CBR4: variants seen among roughly 807,000 people sequenced by gnomAD.
CBR4 encodes the protein 3-oxoacyl-[acyl-carrier-protein] reductase.
A neutral mutation model predicts 21.0 loss-of-function variants in CBR4; 22 were observed. The observed-to-expected ratio is 1.05, with a 90% CI of 0.75 to 1.50. The LOEUF is 1.50. Ranked by LOEUF, CBR4 falls within the 40% of genes most tolerant of loss-of-function variation. The probability of loss-of-function intolerance (pLI) is 0.00; values close to 1 mark genes in which losing one functional copy is unlikely to be tolerated. For synonymous variants in CBR4, 100 were observed against 104.4 expected (o/e 0.96, Z 0.26); for missense variants, 302 against 286.3 (o/e 1.05, Z -0.40).
At chr4:168,912,144 T>C (rs1759101156) in intron 2 of CBR4, among the ~76,000 whole-genome samples, 1 of 152,180 alleles carries the variant, frequency 6.6e-6, no homozygotes, top group African/African-American at 2.4e-5. Flanking sequence ...CACTCCAGTC[T>C]ACTCACAGTT....
chr4:168,994,666 C>A (rs769408435), intron 4 of CBR4, among the ~76,000 whole-genome samples: 4 of 151,912 alleles, frequency 2.6e-5, no homozygotes, highest in Non-Finnish European at 4.4e-5. Flanking sequence ...GCAACCTCTG[C>A]CTCCCAGGTT....
chr4:168,911,615 A>G (rs1277788320), intron 2 of CBR4, among the ~76,000 whole-genome samples: 2 of 152,210 alleles, frequency 1.3e-5, no homozygotes, highest in African/African-American at 2.4e-5. Flanking sequence ...AGCAAGTTAC[A>G]TCTAGATTTT....
chr4:168,925,964 TAA>T (rs11357121), intron 2 of CBR4, among the ~76,000 whole-genome samples: 69 of 149,938 alleles, frequency 4.6e-4, no homozygotes, highest in African/African-American at 8.1e-4. Context: ...AGTGTTTACT[TAA>T]AAAAAAAAAA....
intron 2 of CBR4, among the ~76,000 whole-genome samples, chr4:168,946,405 T>C (rs1763397412): frequency 6.6e-6 from 1 of 152,306 alleles, no homozygotes; most frequent in South Asian, 2.1e-4. Context: ...ATTTGCAAAA[T>C]AATACTACAA....
In CBR4 at chr4:168,990,341, T is replaced by C. The variant is rs771026535; in HGVS notation, c.536-13A>G. On this transcript the variant is annotated splice_polypyrimidine_tract_variant and intron_variant, in intron 4 of 4. Transcript: ENST00000306193. ...GTGTGTACAAATCCTAAAAGAGAAATGTTTGTTTAGTTGAAAAGGGTACAC... is the reference window on the plus strand; with the variant it reads ...GTGTGTACAAATCCTAAAAGAGAAACGTTTGTTTAGTTGAAAAGGGTACAC... 18 of 1,573,250 alleles carry C rather than the reference T, an allele frequency of 1.1e-5. No homozygotes were observed. Among genetic ancestry groups the C allele is most frequent in the Non-Finnish European group, 1.5e-5 (17 of 1,158,744 alleles).
At chr4:168,913,407 C>G (rs5005965) in intron 2 of CBR4, among the ~76,000 whole-genome samples, 128,232 of 152,078 alleles carry the variant, frequency 0.84, 54,243 homozygotes, top group East Asian at 1. Flanking sequence ...AAAGTGCTGG[C>G]ATTACAGGCA....
intron 4 of CBR4, among the ~76,000 whole-genome samples, chr4:168,991,815 AT>A (rs1203943966): frequency 1.3e-5 from 2 of 152,218 alleles, no homozygotes; most frequent in African/African-American, 4.8e-5. Context: ...ATAGAAAAAA[AT>A]TTTTAAGGTC....
chr4:168,921,520 C>A, intron 2 of CBR4: 1 of 1,533,544 alleles, frequency 6.5e-7, no homozygotes, highest in Non-Finnish European at 8.9e-7. Flanking sequence ...ACATGTATTT[C>A]TTTTATGATT....
chr4:168,934,295 A>AAAAAAAAAAAACAAC (rs1763049403), intron 2 of CBR4, among the ~76,000 whole-genome samples: 1 of 149,312 alleles, frequency 6.7e-6, no homozygotes, highest in Non-Finnish European at 1.5e-5. Context: ...AAAAAAAAAA[A>AAAAAAAAAAAACAAC]AAAAAAAAAG....
intron 2 of CBR4, among the ~76,000 whole-genome samples, chr4:168,980,451 A>G (rs570436241): frequency 1.3e-5 from 2 of 152,318 alleles, no homozygotes; most frequent in South Asian, 2.1e-4. Context: ...TCAGCCACAA[A>G]TAGACCAGGT....
chr4:168,973,493 A>G (rs1764276229), intron 2 of CBR4, among the ~76,000 whole-genome samples: 1 of 152,044 alleles, frequency 6.6e-6, no homozygotes, highest in Non-Finnish European at 1.5e-5. Flanking sequence ...ACATCCAGCT[A>G]ATTTTTGTAT....
downstream of CBR4, among the ~76,000 whole-genome samples, chr4:168,983,837 G>A (rs1218644587): frequency 6.6e-6 from 1 of 151,850 alleles, no homozygotes; most frequent in Non-Finnish European, 1.5e-5. Flanking sequence ...ACAGAGAAAA[G>A]GCTTTAGGTA....
At chr4:169,009,729 CG>C (rs1466903857) in intron 1 of CBR4, among the ~76,000 whole-genome samples, 1 of 152,232 alleles carries the variant, frequency 6.6e-6, no homozygotes, top group Admixed American at 6.5e-5. Context: ...GTTCAGCCCT[CG>C]GCGGCAAGCT....
intron 2 of CBR4, among the ~76,000 whole-genome samples, chr4:168,902,176 G>A (rs1188022886): frequency 6.6e-6 from 1 of 152,162 alleles, no homozygotes; most frequent in Non-Finnish European, 1.5e-5. Context: ...TTGAATGTCA[G>A]TTTATGTTAC....
At position 168,967,160 on chromosome 4, in the gene CBR4, G is replaced by T. The variant is rs550271517; in HGVS notation, n.169+34911C>A. On this transcript the variant is annotated intron_variant and non_coding_transcript_variant, in intron 2 of 3. Transcript: ENST00000509108. ...AGAAAATGTGGCACATATACACCAT[G>T]TAATACTATGCAGCCATAAAAAAGG... Among the ~76,000 whole-genome samples the T allele has an allele frequency of 2.4e-4, 36 of 152,302 alleles. No homozygotes were observed. In the South Asian group the frequency reaches 7.5e-3, roughly 32 times the overall value.
chr4:168,962,411 A>G (rs1446116285), intron 2 of CBR4, among the ~76,000 whole-genome samples: 1 of 152,238 alleles, frequency 6.6e-6, no homozygotes, highest in Non-Finnish European at 1.5e-5. Context: ...GAAGAACTCA[A>G]GGTTGCTTGG....
intron 2 of CBR4, among the ~76,000 whole-genome samples, chr4:168,897,354 A>G (rs952237702): frequency 6.6e-6 from 1 of 152,236 alleles, no homozygotes; most frequent in Non-Finnish European, 1.5e-5. Flanking sequence ...TGTTTTTTAA[A>G]CACTGAGTAA....
chr4:168,946,292 A>C (rs1304817035), intron 2 of CBR4, among the ~76,000 whole-genome samples: 1 of 152,222 alleles, frequency 6.6e-6, no homozygotes, highest in African/African-American at 2.4e-5. Context: ...TCTCTGGAGA[A>C]TCTGACCAGT....
chr4:169,010,167 C>G lies in CBR4; in HGVS notation c.-78G>C. 8.9e-7 allele frequency: 1 copy of G among 1,125,936 alleles called. No homozygotes were observed. Among genetic ancestry groups the G allele is most frequent in the Non-Finnish European group, 1.2e-6 (1 of 867,362 alleles). The allele number at this position is 1,125,936 out of a possible 1,614,324, so 69.7% of individuals were successfully genotyped here. On this transcript the variant is annotated 5_prime_UTR_variant, in exon 1 of 5. Transcript: ENST00000306193. ...AGGTTCCCTCAGGCTTTTAAACAAC[C>G]GCGGTTCCAAAAAAAAAAAAAAGAA...
Sources: gnomAD v4.1 joint callset for allele counts (sites outside exome capture counted in the v4.1 genomes callset) on GRCh38, gnomAD v4.1.1 for gene constraint, MANE v1.5 for transcripts, NCBI Gene and HGNC (gene_info 2026-07-23, HGNC 2026-07-21) for gene names.